The following EAF2 variants were observed in gnomAD, a reference collection of about 807,000 sequenced individuals.
EAF2 encodes the protein ELL associated factor 2.
In EAF2, 29 loss-of-function variants were observed where a neutral mutation model predicts 29.4. The observed-to-expected ratio is 0.99, with a 90% CI of 0.73 to 1.35. The LOEUF (loss-of-function observed/expected upper bound fraction) is 1.35. Ranked by LOEUF, EAF2 falls within the 40% of genes most tolerant of loss-of-function variation. EAF2 has a pLI of 0.00. For synonymous variants in EAF2, 103 were observed against 102.5 expected, an observed-to-expected ratio of 1.00 and a Z score of -0.03; for missense variants, 292 against 312.0, an observed-to-expected ratio of 0.94 and a Z score of 0.48.
chr3:121,864,028 T>C (rs572390470), intron 4 of EAF2, among the ~76,000 whole-genome samples: 1 of 152,228 alleles, frequency 6.6e-6, no homozygotes, highest in East Asian at 1.9e-4. Context: ...AATGAGGAAA[T>C]ATAGTAAGCA....
intron 5 of EAF2, among the ~76,000 whole-genome samples, chr3:121,877,382 G>A (rs1290720629): frequency 1.3e-5 from 2 of 151,876 alleles, no homozygotes; most frequent in Non-Finnish European, 2.9e-5. Flanking sequence ...TGAATACATA[G>A]AATCCTACAA....
chr3:121,844,058 C>T (rs1708478854), intron 1 of EAF2, among the ~76,000 whole-genome samples: 1 of 151,880 alleles, frequency 6.6e-6, no homozygotes. Context: ...TTAAAAATGA[C>T]ATAAAAAAGA....
intron 1 of EAF2, among the ~76,000 whole-genome samples, chr3:121,843,132 G>A (rs1301466596): frequency 1.3e-5 from 2 of 152,174 alleles, no homozygotes; most frequent in Non-Finnish European, 2.9e-5. Context: ...TTAAGGAATA[G>A]AGGAATGGAT....
In EAF2 at chr3:121,845,459, A is replaced by AAAAAAAAAAG. The variant is rs71133578; in HGVS notation, c.201+915_201+916insAAAAAAGAAA. On this transcript the variant is annotated intron_variant, in intron 2 of 5. Coordinates refer to ENST00000273668, the MANE Select transcript of EAF2 (RefSeq NM_018456.6). Reference sequence around the variant, plus strand: ...ACATCTCAAAAAAAAAAAAAAAAAAAAAAGAAAGAAAGAAAAAGAAAAAGA... The same window carrying AAAAAAAAAAG: ...ACATCTCAAAAAAAAAAAAAAAAAAAAAAAAAAAAGAAAGAAAGAAAGAAAAAGAAAAAGA... Among the ~76,000 whole-genome samples, 508 of 96,502 alleles carry AAAAAAAAAAG rather than the reference A, an allele frequency of 5.3e-3. 2 individuals are homozygous for AAAAAAAAAAG. Among genetic ancestry groups the AAAAAAAAAAG allele is most frequent in the Middle Eastern group, 6.4e-3 (1 of 156 alleles). 63.3% of individuals were successfully genotyped at this position (96,502 alleles called of 152,430 possible). A position where few individuals can be genotyped will look rare whatever the true frequency, so the allele number is the denominator to read the frequency against.
intron 3 of EAF2, among the ~76,000 whole-genome samples, chr3:121,856,319 CTT>C (rs202213987): frequency 1.1e-4 from 15 of 136,376 alleles, no homozygotes; most frequent in East Asian, 2.1e-4. Context: ...TAAGCAATGG[CTT>C]TTTTTTTTTT....
At chr3:121,836,781 C>T in intron 1 of EAF2, 3 of 987,424 alleles carry the variant, frequency 3.0e-6, no homozygotes, top group Non-Finnish European at 3.6e-6. Context: ...CTCTCCTTTT[C>T]TCTTCCTTCT....
intron 4 of EAF2, among the ~76,000 whole-genome samples, chr3:121,871,311 A>C (rs1273721229): frequency 6.8e-6 from 1 of 147,278 alleles, no homozygotes; most frequent in African/African-American, 2.6e-5. Flanking sequence ...ATTTGTATGA[A>C]GTTCAAGAAT....
chr3:121,868,623 T>C (rs1332249662), intron 4 of EAF2, among the ~76,000 whole-genome samples: 1 of 151,858 alleles, frequency 6.6e-6, no homozygotes, highest in Non-Finnish European at 1.5e-5. Flanking sequence ...AATAAATTAC[T>C]ACAAAGAGGT....
At chr3:121,871,597 G>A (rs913546912) in intron 4 of EAF2, among the ~76,000 whole-genome samples, 1 of 151,914 alleles carries the variant, frequency 6.6e-6, no homozygotes, top group Non-Finnish European at 1.5e-5. Context: ...GATTTAATGT[G>A]GTCAAATAAT....
chr3:121,858,912 T>A (rs1044497689), intron 4 of EAF2, among the ~76,000 whole-genome samples: 1 of 152,188 alleles, frequency 6.6e-6, no homozygotes, highest in African/African-American at 2.4e-5. Context: ...CCCAGCACCA[T>A]ATATTAAACA....
intron 1 of EAF2, among the ~76,000 whole-genome samples, chr3:121,838,287 T>A (rs1317405864): frequency 6.6e-6 from 1 of 152,142 alleles, no homozygotes; most frequent in African/African-American, 2.4e-5. Flanking sequence ...AAGTTGGTGG[T>A]AGGGTTTCCA....
At chr3:121,864,084 G>A (rs1161182049) in intron 4 of EAF2, among the ~76,000 whole-genome samples, 1 of 152,156 alleles carries the variant, frequency 6.6e-6, no homozygotes, top group Non-Finnish European at 1.5e-5. Flanking sequence ...CTTCTCAGAA[G>A]GGAGGTATTT....
chr3:121,847,428 G>GA (rs1236298883), intron 2 of EAF2, among the ~76,000 whole-genome samples: 19 of 152,250 alleles, frequency 1.2e-4, no homozygotes, highest in African/African-American at 4.3e-4. Context: ...AACAACAAAA[G>GA]AAAGTTTGTT....
chr3:121,881,497 A>T (rs554936301), intron 5 of EAF2, among the ~76,000 whole-genome samples: 8 of 152,124 alleles, frequency 5.3e-5, no homozygotes, highest in South Asian at 4.1e-4. Context: ...GGTTATTTTT[A>T]AAAAATTAGT....
chr3:121,842,798 A>G (rs12486499), intron 1 of EAF2, among the ~76,000 whole-genome samples: 97,858 of 151,924 alleles, frequency 0.64, 31,993 homozygotes, highest in African/African-American at 0.72. Context: ...TATTTCCCTC[A>G]GTCCAAACCC....
chr3:121,850,992 T>C (rs929150828), intron 2 of EAF2, among the ~76,000 whole-genome samples: 4 of 152,138 alleles, frequency 2.6e-5, no homozygotes, highest in African/African-American at 9.7e-5. Flanking sequence ...TGAGCCACCG[T>C]GCCCGGCCAA....
At chr3:121,848,211 G>A (rs1708563970) in intron 2 of EAF2, among the ~76,000 whole-genome samples, 2 of 152,140 alleles carry the variant, frequency 1.3e-5, no homozygotes, top group South Asian at 2.1e-4. Flanking sequence ...GTGTATGTCA[G>A]GACTTGTTCA....
intron 4 of EAF2, among the ~76,000 whole-genome samples, chr3:121,866,725 AAAAAAATAAAAAAAAT>A (rs1708933851): frequency 6.7e-6 from 1 of 149,290 alleles, no homozygotes; most frequent in South Asian, 2.1e-4. Flanking sequence ...ACTCCATCTT[AAAAAAATAAAAAAAAT>A]AAAAAATAAA....
chr3:121,835,420 G>A (rs758927625), intron 1 of EAF2, 29 bp downstream of exon 1: 2 of 1,600,002 alleles, frequency 1.3e-6, no homozygotes, highest in Non-Finnish European at 8.6e-7. Context: ...GGGATAGAGG[G>A]GGAGCCTCCC....
Sources: allele counts gnomAD v4.1 joint callset (sites outside exome capture counted in the v4.1 genomes callset), GRCh38; gene constraint gnomAD v4.1.1; transcripts MANE v1.5; gene names NCBI Gene and HGNC (gene_info 2026-07-23, HGNC 2026-07-21).